Variants in MMP16 observed in about 807,000 individuals in gnomAD.
MMP16 encodes matrix metallopeptidase 16.
A neutral mutation model predicts 67.8 loss-of-function variants in MMP16; 12 were observed. The ratio of observed to expected loss-of-function variants is 0.18; its 90% CI spans 0.11 to 0.29. The LOEUF is 0.29. MMP16 is among the 10% of genes least tolerant of loss of function. The pLI, the probability that MMP16 is intolerant of heterozygous loss-of-function variation, is 1.00. For synonymous variants in MMP16, 249 were observed against 255.9 expected, an observed-to-expected ratio of 0.97 and a Z score of 0.26; for missense variants, 475 against 765.7, an observed-to-expected ratio of 0.62 and a Z score of 4.48.
At chr8:88,175,123 A>G (rs1266567694) in intron 3 of MMP16, among the ~76,000 whole-genome samples, 1 of 152,178 alleles carries the variant, frequency 6.6e-6, no homozygotes, top group Non-Finnish European at 1.5e-5. Flanking sequence ...CCAGAAGAGA[A>G]AAGTGTATAT....
Position 88,118,732 on chromosome 8 carries a change from T to G in MMP16, c.839A>C (p.Asn280Thr). Residue 280 changes from asparagine (N) to threonine (T), a missense_variant, in exon 5 of 10, where the codon AAT becomes ACT. Transcript: ENST00000286614. ...CTTCTGGATGCCCTGTAAATCATCA[T>G]TAGGTAGTTTGAAGTTGTCTGTTTC... ...YMETDNFKLP[N>T]DDLQGIQKIY... 6.2e-7 allele frequency: 1 copy of G among 1,613,386 alleles called. No homozygotes were observed. The highest frequency in any genetic ancestry group is 8.5e-7 in the Non-Finnish European group (1 of 1,179,514).
At chr8:88,095,590 GAAC>G (rs1809012735) in intron 6 of MMP16, among the ~76,000 whole-genome samples, 1 of 151,820 alleles carries the variant, frequency 6.6e-6, no homozygotes, top group South Asian at 2.1e-4. Context: ...TTTGAAAGAT[GAAC>G]AATACCACCT....
chr8:88,034,444 G>GT lies in MMP16; in HGVS notation c.*7016dup, dbSNP rs1233789466. 1 of 152,318 alleles carries GT rather than the reference G, an allele frequency of 6.6e-6. No individual in the cohort carries two copies. The highest frequency in any genetic ancestry group is 2.4e-5 in the African/African-American group (1 of 41,372). 9.4% of individuals were successfully genotyped at this position (152,318 alleles called of 1,614,324 possible). On this transcript the variant is annotated 3_prime_UTR_variant, in exon 10 of 10. Transcript: ENST00000286614. ...TTGCTTGGAAATTGTTTGTTTGGAA[G>GT]TAATTAAGATAGTGAAATTTTGTAC...
chr8:88,138,676 G>C (rs572992747), intron 4 of MMP16, among the ~76,000 whole-genome samples: 1 of 152,080 alleles, frequency 6.6e-6, no homozygotes, highest in East Asian at 1.9e-4. Flanking sequence ...TCAACCTGAA[G>C]TCTCAACCAG....
intron 6 of MMP16, among the ~76,000 whole-genome samples, chr8:88,111,196 T>G (rs115913997): frequency 0.01 from 1,588 of 151,812 alleles, 22 homozygotes; most frequent in African/African-American, 0.036. Context: ...AGAATTTTTC[T>G]AAGGGTAAGA....
At chr8:88,189,052 T>C (rs1196872200) in intron 2 of MMP16, among the ~76,000 whole-genome samples, 2 of 152,354 alleles carry the variant, frequency 1.3e-5, no homozygotes, top group East Asian at 3.9e-4. Flanking sequence ...GCCCACTTCA[T>C]ATAGTTGTTT....
intron 1 of MMP16, among the ~76,000 whole-genome samples, chr8:88,296,749 G>A (rs1190519998): frequency 6.6e-6 from 1 of 150,744 alleles, no homozygotes; most frequent in African/African-American, 2.4e-5. Context: ...GGGGGCTGAG[G>A]CACTAGAATC....
intron 1 of MMP16, among the ~76,000 whole-genome samples, chr8:88,273,385 C>T (rs997151032): frequency 6.6e-6 from 1 of 152,046 alleles, no homozygotes; most frequent in African/African-American, 2.4e-5. Context: ...GCCACCGCAC[C>T]TGGCCTAGAA....
At chr8:88,219,638 TA>T (rs1809646680) in intron 1 of MMP16, among the ~76,000 whole-genome samples, 1 of 152,150 alleles carries the variant, frequency 6.6e-6, no homozygotes, top group African/African-American at 2.4e-5. Flanking sequence ...AAGTATTTTG[TA>T]CAATAACAAT....
chr8:88,102,034 G>T (rs1809153468), intron 6 of MMP16, among the ~76,000 whole-genome samples: 1 of 151,922 alleles, frequency 6.6e-6, no homozygotes, highest in South Asian at 2.1e-4. Flanking sequence ...TATGAGAAAA[G>T]ACTGAAACTG....
In MMP16 at chr8:88,035,547, C is replaced by G. The variant is rs1378172415; in HGVS notation, c.*5914G>C. ...CTGACCATGAGTTCTGGTTTATGCC[C>G]TTATTTGCCTTAGAAAACATTAGTT... is the stretch of plus-strand genomic sequence containing the variant. On this transcript the variant is annotated 3_prime_UTR_variant, in exon 10 of 10. Coordinates refer to ENST00000286614, the MANE Select transcript of MMP16 (RefSeq NM_005941.5). This position sits in a 1 kb window ranked among gnomAD's most constrained non-coding sequence, Gnocchi z 4.7. 2 of 151,914 alleles carry G rather than the reference C, an allele frequency of 1.3e-5. No homozygotes were observed. The highest frequency in any genetic ancestry group is 2.9e-5 in the Non-Finnish European group (2 of 67,900). 9.4% of individuals were successfully genotyped at this position (151,914 alleles called of 1,614,324 possible).
chr8:88,284,642 A>G (rs1432397792), intron 1 of MMP16, among the ~76,000 whole-genome samples: 1 of 152,116 alleles, frequency 6.6e-6, no homozygotes, highest in Non-Finnish European at 1.5e-5. Flanking sequence ...GATGACAGAC[A>G]ATGGAGATGG....
intron 7 of MMP16, among the ~76,000 whole-genome samples, chr8:88,066,635 C>G (rs1444325146): frequency 6.8e-6 from 1 of 148,018 alleles, no homozygotes; most frequent in Non-Finnish European, 1.5e-5. Context: ...CATCTACACT[C>G]TCACTCAACA....
intron 4 of MMP16, among the ~76,000 whole-genome samples, chr8:88,137,135 T>C (rs1480142401): frequency 2.6e-5 from 4 of 151,950 alleles, no homozygotes; most frequent in African/African-American, 7.2e-5. Flanking sequence ...AGTAATGATG[T>C]TGACAAATTT....
intron 4 of MMP16, among the ~76,000 whole-genome samples, chr8:88,146,684 ACTT>A (rs750470578): frequency 2.0e-5 from 3 of 151,912 alleles, no homozygotes; most frequent in African/African-American, 4.8e-5. Context: ...TTTAAATGAT[ACTT>A]CTTTTTTTGG....
chr8:88,283,331 G>C (rs552068871), intron 1 of MMP16, among the ~76,000 whole-genome samples: 1 of 152,080 alleles, frequency 6.6e-6, no homozygotes, highest in African/African-American at 2.4e-5. Flanking sequence ...ATGAGCATTT[G>C]AGTCAGGCAG....
intron 4 of MMP16, among the ~76,000 whole-genome samples, chr8:88,127,517 A>G (rs1807955471): frequency 6.6e-6 from 1 of 151,810 alleles, no homozygotes; most frequent in African/African-American, 2.4e-5. Context: ...ATGACCAACA[A>G]CCATTATTAC....
At chr8:88,226,925 A>G (rs6994833) in intron 1 of MMP16, among the ~76,000 whole-genome samples, 151,613 of 151,908 alleles carry the variant, frequency 1, 75,661 homozygotes, top group Middle Eastern at 1. Flanking sequence ...CTCGGAAATC[A>G]TTTTGATTAA....
intron 6 of MMP16, among the ~76,000 whole-genome samples, chr8:88,087,085 C>G (rs553622570): frequency 6.6e-6 from 1 of 151,934 alleles, no homozygotes; most frequent in African/African-American, 2.4e-5. Context: ...TCCCAGAACT[C>G]CCAGAAACTC....
Sources: gnomAD v4.1 joint callset for allele counts (sites outside exome capture counted in the v4.1 genomes callset) on GRCh38, gnomAD v4.1.1 for gene constraint, Gnocchi (gnomAD v3.1) non-coding constraint, MANE v1.5 for transcripts, NCBI Gene and HGNC (gene_info 2026-07-23, HGNC 2026-07-21) for gene names.